The following SEC24A variants were observed in gnomAD, a reference collection of about 807,000 sequenced individuals.
SEC24A encodes the protein protein transport protein Sec24A.
SEC24A carries 93 observed loss-of-function variants against 129.4 expected under a neutral mutation model. The observed-to-expected ratio is 0.72, with a 90% confidence interval of 0.61 to 0.85. SEC24A has a LOEUF of 0.85. Ranked by LOEUF, SEC24A falls within the 40% of genes least tolerant of loss-of-function variation. SEC24A has a pLI of 0.00. For synonymous variants in SEC24A, 460 were observed against 467.3 expected, an observed-to-expected ratio of 0.98 and a Z score of 0.20; for missense variants, 1,264 against 1,307.4, an observed-to-expected ratio of 0.97 and a Z score of 0.51.
chr5:134,671,108 G>A (rs1394724938), intron 3 of SEC24A, among the ~76,000 whole-genome samples: 1 of 151,982 alleles, frequency 6.6e-6, no homozygotes, highest in Non-Finnish European at 1.5e-5. Flanking sequence ...GCAGTGGCAC[G>A]ATTTTGGCTC....
intron 1 of SEC24A, among the ~76,000 whole-genome samples, chr5:134,653,302 T>A (rs1750128598): frequency 6.6e-6 from 1 of 152,126 alleles, no homozygotes; most frequent in African/African-American, 2.4e-5. Flanking sequence ...CAAGTTGAAG[T>A]GTAGTCACTT....
chr5:134,667,045 T>C (rs764984727), intron 3 of SEC24A, 49 bp downstream of exon 3: 2 of 1,449,132 alleles, frequency 1.4e-6, no homozygotes, highest in Non-Finnish European at 1.9e-6. Flanking sequence ...TGACTTAGGG[T>C]AGAAAGATGA....
At chr5:134,681,204 C>T (rs1483361470) in intron 8 of SEC24A, among the ~76,000 whole-genome samples, 1 of 146,780 alleles carries the variant, frequency 6.8e-6, no homozygotes, top group Non-Finnish European at 1.5e-5. Flanking sequence ...TTGAGACCAG[C>T]CTGGCCAATG....
At chr5:134,669,833 C>T (rs575626613) in intron 3 of SEC24A, among the ~76,000 whole-genome samples, 96 of 152,198 alleles carry the variant, frequency 6.3e-4, no homozygotes, top group Non-Finnish European at 1.1e-3. Context: ...GGCTGGAATG[C>T]AGAGGTGCAG....
At chr5:134,681,990 C>T (rs1296744413) in intron 8 of SEC24A, among the ~76,000 whole-genome samples, 1 of 152,012 alleles carries the variant, frequency 6.6e-6, no homozygotes, top group African/African-American at 2.4e-5. Context: ...ATCTGTAATC[C>T]CAGCACTTTG....
At chr5:134,690,815 C>G (rs1278508375) in intron 11 of SEC24A, among the ~76,000 whole-genome samples, 1 of 152,006 alleles carries the variant, frequency 6.6e-6, no homozygotes, top group Non-Finnish European at 1.5e-5. Flanking sequence ...TTTTGCAGTC[C>G]CATTAATTTT....
chr5:134,673,150 G>T (rs1437782755), intron 4 of SEC24A, among the ~76,000 whole-genome samples: 1 of 148,324 alleles, frequency 6.7e-6, no homozygotes, highest in Non-Finnish European at 1.5e-5. Flanking sequence ...CCAACTCCCT[G>T]GTTCAAGCGA....
intron 7 of SEC24A, among the ~76,000 whole-genome samples, chr5:134,676,477 A>G (rs140598415): frequency 0.011 from 1,077 of 96,218 alleles, 5 homozygotes; most frequent in Middle Eastern, 0.098. Flanking sequence ...ACTGGGTCTC[A>G]CTGTCGCCCA....
chr5:134,709,404 T>C (rs1283628480), intron 18 of SEC24A, among the ~76,000 whole-genome samples: 1 of 152,184 alleles, frequency 6.6e-6, no homozygotes, highest in Non-Finnish European at 1.5e-5. Flanking sequence ...CAGAGCAAGT[T>C]CCTTGTTCAT....
Position 134,674,656 on chromosome 5 carries a change from A to C in SEC24A, c.859A>C (p.Ser287Arg). Residue 287 changes from serine (S) to arginine (R), a missense_variant, in exon 5 of 23, where the codon AGT becomes CGT. Physicochemically the swap from Ser to Arg is moderately radical, Grantham distance 110. Coordinates refer to ENST00000398844, the MANE Select transcript of SEC24A (RefSeq NM_021982.3). ...TAACAAGAATCCCAAAATGAGCCGA[A>C]GTGTTGGATATTCATATCCCTCCTT... ...LTNKNPKMSR[S>R]VGYSYPSLPP... The C allele has an allele frequency of 6.2e-7, 1 of 1,613,838 alleles. No individual in the cohort carries two copies. Among genetic ancestry groups the C allele is most frequent in the Non-Finnish European group, 8.5e-7 (1 of 1,179,794 alleles).
rs74617254 is a variant in SEC24A, at chr5:134,686,299, A to C, written c.1492-491A>C. Among the ~76,000 whole-genome samples, 1,506 of 151,714 alleles carry C rather than the reference A, an allele frequency of 9.9e-3. 25 individuals carry two copies. Among genetic ancestry groups the C allele is most frequent in the African/African-American group, 0.035 (1,449 of 41,344 alleles). On this transcript the variant is annotated intron_variant, in intron 9 of 22. Transcript: ENST00000398844. The stretch of plus-strand genomic sequence containing the variant: ...GCCCAGGCTAGAGTGCAGTGGCATA[A>C]TCTCGGCTCACTGCAACCTCCATCT...
chr5:134,693,366 C>T (rs1561820961), intron 12 of SEC24A: 1 of 1,360,552 alleles, frequency 7.3e-7, no homozygotes. Flanking sequence ...GCTAAACTCG[C>T]TTTGGAACTT....
chr5:134,672,883 A>G (rs894193309), intron 4 of SEC24A, among the ~76,000 whole-genome samples: 2 of 151,486 alleles, frequency 1.3e-5, no homozygotes, highest in African/African-American at 2.4e-5. Context: ...CTATAGGCAT[A>G]TGGTACCATG....
rs746410046 is a variant in SEC24A at position 134,715,107 on chromosome 5, C to A, written c.2811C>A (p.Tyr937Ter). The A allele has an allele frequency of 6.2e-7, 1 of 1,611,402 alleles. No individual in the cohort carries two copies. The highest frequency in any genetic ancestry group is 1.1e-5 in the South Asian group (1 of 90,208). The change falls in exon 19 of 23, where the codon TAC (tyrosine) becomes TAA (stop). Residue 937 changes from tyrosine to a stop codon, truncating the protein, a stop_gained. Transcript: ENST00000398844. LOFTEE classifies it high-confidence loss of function. Reference sequence around the variant, plus strand: ...AAGTGAAAAACCAGCCCTTGGTTTACCTTATGCTCACAACTCATCCCAGTT... The same window carrying A: ...AAGTGAAAAACCAGCCCTTGGTTTAACTTATGCTCACAACTCATCCCAGTT... Reference protein sequence around the residue: ...MCQVKNQPLVYLMLTTHPSLY... With the variant: ...MCQVKNQPLV
chr5:134,666,994 A>G lies in SEC24A; in HGVS notation c.737A>G (p.Glu246Gly). 1.3e-6 allele frequency: 2 copies of G among 1,550,320 alleles called. No individual in the cohort carries two copies. The highest frequency in any genetic ancestry group is 1.2e-5 in the South Asian group (1 of 82,600). The change falls in exon 3 of 23, where the codon GAA (glutamate) becomes GGA (glycine). Residue 246 changes from glutamate (E) to glycine (G), a missense_variant and splice_region_variant. Coordinates refer to ENST00000398844, the MANE Select transcript of SEC24A (RefSeq NM_021982.3). ...QPLFNSAVNQEGITSNTNNGS... is the reference protein window; with the variant it reads ...QPLFNSAVNQGGITSNTNNGS... ...TTATTTAATTCAGCTGTCAACCAAG[A>G]AGGTAAGTGAACCAAGAAACAAAGT...
chr5:134,656,078 A>G (rs1484718901), intron 1 of SEC24A, among the ~76,000 whole-genome samples: 1 of 133,854 alleles, frequency 7.5e-6, no homozygotes, highest in African/African-American at 2.6e-5. Flanking sequence ...GCTGCAGCTA[A>G]ATATCTTTTT....
At chr5:134,676,208 C>A in intron 7 of SEC24A, 83 bp downstream of exon 7, 1 of 912,058 alleles carries the variant, frequency 1.1e-6, no homozygotes, top group Non-Finnish European at 1.6e-6. Flanking sequence ...GACGCAGTCT[C>A]AGCTTATTGC....
chr5:134,679,466 A>G, intron 7 of SEC24A, 136 bp from the exon 8 acceptor site: 1 of 493,962 alleles, frequency 2.0e-6, no homozygotes, highest in East Asian at 3.2e-5. Context: ...ATGGCAGTTT[A>G]GATACATCTT....
chr5:134,720,093 T>C (rs958995076), intron 20 of SEC24A, among the ~76,000 whole-genome samples: 1 of 152,240 alleles, frequency 6.6e-6, no homozygotes, highest in Non-Finnish European at 1.5e-5. Context: ...GTACAGTGTT[T>C]GTAAAGTTTA....
Sources: gnomAD v4.1 joint callset for allele counts (sites outside exome capture counted in the v4.1 genomes callset) on GRCh38, gnomAD v4.1.1 for gene constraint, MANE v1.5 for transcripts, NCBI Gene and HGNC (gene_info 2026-07-23, HGNC 2026-07-21) for gene names.